ZNF185: variants seen among roughly 807,000 people sequenced by gnomAD.
ZNF185 encodes the protein zinc finger protein 185 with LIM domain.
Under a neutral mutation model 58.6 loss-of-function variants are expected in ZNF185, and 56 were observed. That is an observed-to-expected ratio of 0.95 (90% CI 0.77 to 1.19). ZNF185 has a LOEUF of 1.19. Among genes scored for constraint, ZNF185 ranks in the 50% most tolerant of loss-of-function variants. The probability of loss-of-function intolerance (pLI) is 0.00; values close to 1 mark genes in which losing one functional copy is unlikely to be tolerated. For missense variants in ZNF185, 627 were observed against 573.5 expected (o/e 1.09, Z -0.95); for synonymous variants, 230 against 215.9 (o/e 1.07, Z -0.57).
At chrX:152,955,873 G>A (rs1181808515) in intron 16 of ZNF185, among the ~76,000 whole-genome samples, 1 of 107,971 alleles carries the variant, frequency 9.3e-6, no homozygotes, top group Non-Finnish European at 1.9e-5. Flanking sequence ...CTGCACTCCA[G>A]CCTGGTGACA....
At chrX:152,898,904 CA>C in the ZNF185 span, among the ~76,000 whole-genome samples, 1 of 112,488 alleles carries the variant, frequency 8.9e-6, no homozygotes, top group East Asian at 2.8e-4. Flanking sequence ...CCTTGCCTTA[CA>C]AAAAGGCCGA....
chrX:152,919,046 G>A lies in ZNF185; in HGVS notation c.495G>A (p.Glu165=), dbSNP rs1556868097. The A allele has an allele frequency of 5.0e-6, 6 of 1,210,308 alleles. No individual in the cohort carries two copies. The South Asian group carries it at 1.1e-4, about 21-fold the overall frequency. ...ACACCGAGGAGGAGGAGGAGGAGGA[G>A]GTGGTGCCATTCTCCTCAGATGAAC... The change falls in exon 7 of 23, where the codon GAG becomes GAA. Residue 165 remains glutamate (E), a synonymous_variant. Coordinates refer to ENST00000449285, the Ensembl canonical transcript of ZNF185.
exon 23 of ZNF185, chrX:152,971,511 A>G (rs1435704398): frequency 8.9e-6 from 1 of 112,320 alleles, no homozygotes. Flanking sequence ...CTTTATGCCC[A>G]TGATGTCATT....
chrX:152,935,238 C>T (rs868977202), intron 14 of ZNF185, among the ~76,000 whole-genome samples: 1 of 97,225 alleles, frequency 1.0e-5, no homozygotes, highest in Non-Finnish European at 2.1e-5. Flanking sequence ...ATTGTTTTTC[C>T]TTTTTTTTTT....
At position 152,945,249 on chromosome X, in the gene ZNF185, G is replaced by C; in HGVS notation, c.1212-18G>C. 1 of 1,195,297 alleles carries C rather than the reference G, an allele frequency of 8.4e-7. No individual in the cohort carries two copies. Among genetic ancestry groups the C allele is most frequent in the Non-Finnish European group, 1.1e-6 (1 of 888,032 alleles). On this transcript the variant is annotated intron_variant, in intron 15 of 22. Coordinates refer to ENST00000449285, the Ensembl canonical transcript of ZNF185. Reference sequence around the variant, plus strand: ...GTTTCAGAGCACTTTTTTCATAAGGGTGCTTATTCTTCTTCAGGGCCTTGG... The same window carrying C: ...GTTTCAGAGCACTTTTTTCATAAGGCTGCTTATTCTTCTTCAGGGCCTTGG...
chrX:152,909,030 T>C, the ZNF185 span, among the ~76,000 whole-genome samples: 2 of 112,737 alleles, frequency 1.8e-5, no homozygotes, highest in Non-Finnish European at 3.8e-5. Context: ...ACTGTCCCAG[T>C]GGTTGGGTCT....
chrX:152,969,764 C>T (rs1459773661), intron 21 of ZNF185, among the ~76,000 whole-genome samples: 1 of 112,577 alleles, frequency 8.9e-6, no homozygotes, highest in Non-Finnish European at 1.9e-5. Context: ...TGGCAGAGGG[C>T]CAGCAAGTGC....
At chrX:152,909,697 G>C (rs1313524424), upstream of ZNF185, among the ~76,000 whole-genome samples, 1 of 112,411 alleles carries the variant, frequency 8.9e-6, no homozygotes, top group Non-Finnish European at 1.9e-5. Context: ...TGTGGGAAAA[G>C]ACGAAGGAGG....
intron 14 of ZNF185, chrX:152,936,455 G>A (rs797042227): frequency 1.7e-6 from 2 of 1,165,265 alleles, no homozygotes; most frequent in Non-Finnish European, 2.3e-6. Context: ...TTTCCTGGAA[G>A]ACCAGGATGG....
chrX:152,962,377 C>T (rs2049595320), intron 17 of ZNF185, among the ~76,000 whole-genome samples: 1 of 111,434 alleles, frequency 9.0e-6, no homozygotes, highest in South Asian at 3.9e-4. Flanking sequence ...CCTGCCTCAG[C>T]TTCCCAAGTA....
intron 11 of ZNF185, among the ~76,000 whole-genome samples, chrX:152,925,465 G>A (rs182621847): frequency 8.9e-6 from 1 of 112,536 alleles, no homozygotes; most frequent in East Asian, 2.8e-4. Context: ...GTTTGCTCAG[G>A]TTGCCATAAC....
exon 11 of ZNF185, chrX:152,922,762 C>T (rs373182198): frequency 2.2e-4 from 268 of 1,199,707 alleles, no homozygotes; most frequent in Non-Finnish European, 2.8e-4. Context: ...CAATTTGGAT[C>T]GAGTGCCTGC....
rs782175139 is a variant in ZNF185 at position 152,928,648 on chromosome X, G to A, written c.904G>A (p.Val302Met). 1.7e-5 allele frequency: 20 copies of A among 1,210,192 alleles called. No homozygotes were observed. Among genetic ancestry groups the A allele is most frequent in the Admixed American group, 8.7e-5 (4 of 45,962 alleles). The stretch of plus-strand genomic sequence containing the variant: ...AGGACTCCGCCTGGTGGCCCCAGAC[G>A]TGGAAGGCATGAGGTATGGGGGTCC... The change falls in exon 12 of 23, where the codon GTG (valine) becomes ATG (methionine). Residue 302 changes from valine (V) to methionine (M), a missense_variant. Val to Met is a conservative substitution (Grantham distance 21, BLOSUM62 1). Coordinates refer to ENST00000449285, the Ensembl canonical transcript of ZNF185.
intron 15 of ZNF185, among the ~76,000 whole-genome samples, chrX:152,938,454 A>G (rs1360064420): frequency 8.9e-6 from 1 of 112,295 alleles, no homozygotes; most frequent in African/African-American, 3.2e-5. Context: ...ATGCAGACAA[A>G]TCAGAAACAC....
At chrX:152,931,588 G>C (rs782636755) in intron 12 of ZNF185, 84 bp from the exon 14 acceptor site, 380 of 830,745 alleles carry the variant, frequency 4.6e-4, no homozygotes, top group Non-Finnish European at 5.2e-4. Context: ...CGTGGAGACA[G>C]CTGGCGTTTG....
chrX:152,957,134 C>T (rs1346819315), intron 16 of ZNF185, among the ~76,000 whole-genome samples: 1 of 105,052 alleles, frequency 9.5e-6, no homozygotes, highest in Non-Finnish European at 1.9e-5. Flanking sequence ...GTGGCATGAT[C>T]TCGGCTCACT....
At chrX:152,951,085 A>ATT (rs57205058) in intron 16 of ZNF185, among the ~76,000 whole-genome samples, 3,675 of 92,358 alleles carry the variant, frequency 0.04, 233 homozygotes, top group African/African-American at 0.14. Flanking sequence ...ATGATCAAGA[A>ATT]TTTTTTTTTT....
intron 10 of ZNF185, 132 bp downstream of exon 11, chrX:152,922,388 A>G: frequency 1.5e-6 from 1 of 651,289 alleles, no homozygotes; most frequent in Non-Finnish European, 2.3e-6. Context: ...CAGTGACAAG[A>G]CGGGACAAAG....
upstream of ZNF185, among the ~76,000 whole-genome samples, chrX:152,913,794 C>T (rs1937736014): frequency 8.9e-6 from 1 of 112,338 alleles, no homozygotes; most frequent in Non-Finnish European, 1.9e-5. Flanking sequence ...CTGCTTGGCT[C>T]CTTTTCAGGT....
Sources: allele counts gnomAD v4.1 joint callset (sites outside exome capture counted in the v4.1 genomes callset), GRCh38; gene constraint gnomAD v4.1.1; transcripts MANE v1.5; gene names NCBI Gene and HGNC (gene_info 2026-07-23, HGNC 2026-07-21).